Variants in SNTB1 observed in about 807,000 individuals in gnomAD.
SNTB1 encodes beta-1-syntrophin.
Under a neutral mutation model 48.9 loss-of-function variants are expected in SNTB1, and 36 were observed. The ratio of observed to expected loss-of-function variants is 0.74; its 90% confidence interval spans 0.56 to 0.97. The LOEUF (loss-of-function observed/expected upper bound fraction) is 0.97. Among genes scored for constraint, SNTB1 ranks in the 50% least tolerant of loss-of-function variants. The pLI, the probability that SNTB1 is intolerant of heterozygous loss-of-function variation, is 0.00. For synonymous variants in SNTB1, 299 were observed against 294.6 expected, an observed-to-expected ratio of 1.01 and a Z score of -0.15; for missense variants, 786 against 703.4, an observed-to-expected ratio of 1.12 and a Z score of -1.33.
At chr8:120,616,469 T>TA (rs1307956945) in intron 3 of SNTB1, among the ~76,000 whole-genome samples, 1 of 120,568 alleles carries the variant, frequency 8.3e-6, no homozygotes, top group East Asian at 3.0e-4. Flanking sequence ...CCTGACTAAC[T>TA]AAAAAAAGTT....
intron 1 of SNTB1, chr8:120,761,519 G>A (rs1819418666): frequency 6.6e-6 from 1 of 152,128 alleles, no homozygotes; most frequent in Non-Finnish European, 1.5e-5. Flanking sequence ...AGAATAATGG[G>A]TGGTCTGTAG....
intron 1 of SNTB1, among the ~76,000 whole-genome samples, chr8:120,792,979 C>T (rs1820061626): frequency 6.6e-6 from 1 of 152,010 alleles, no homozygotes; most frequent in Non-Finnish European, 1.5e-5. Flanking sequence ...AAGGTGGCCT[C>T]TCTATAGGTC....
chr8:120,562,636 C>T (rs1261791298), intron 4 of SNTB1, among the ~76,000 whole-genome samples: 1 of 152,134 alleles, frequency 6.6e-6, no homozygotes, highest in Admixed American at 6.5e-5. Context: ...AGTGAGGATG[C>T]CTCCCAGGGT....
At chr8:120,633,308 T>C (rs1022141288) in intron 2 of SNTB1, among the ~76,000 whole-genome samples, 1 of 152,132 alleles carries the variant, frequency 6.6e-6, no homozygotes, top group Non-Finnish European at 1.5e-5. Flanking sequence ...ACTAAATGTA[T>C]TCTATTTAAA....
intron 1 of SNTB1, among the ~76,000 whole-genome samples, chr8:120,753,440 C>T (rs1286817959): frequency 6.6e-6 from 1 of 152,204 alleles, no homozygotes; most frequent in African/African-American, 2.4e-5. Flanking sequence ...TCAAGTCCTT[C>T]ACCTTCTCTG....
intron 1 of SNTB1, among the ~76,000 whole-genome samples, chr8:120,712,301 G>A (rs1055140937): frequency 6.6e-6 from 1 of 151,376 alleles, no homozygotes; most frequent in Non-Finnish European, 1.5e-5. Context: ...TGTAGTCCCG[G>A]CTACTCAGGA....
At chr8:120,712,958 A>C (rs555907030) in intron 1 of SNTB1, among the ~76,000 whole-genome samples, 1 of 152,168 alleles carries the variant, frequency 6.6e-6, no homozygotes, top group East Asian at 1.9e-4. Context: ...CCTCGTTACT[A>C]TTGCCAGTAC....
chr8:120,545,368 G>T (rs1347923244), intron 5 of SNTB1, among the ~76,000 whole-genome samples: 3 of 151,954 alleles, frequency 2.0e-5, no homozygotes, highest in Admixed American at 2.0e-4. Context: ...AGTACTCCTG[G>T]GTGACCAGGA....
intron 4 of SNTB1, among the ~76,000 whole-genome samples, chr8:120,572,744 A>AAAACAAACAAAC (rs71306896): frequency 1.3e-4 from 19 of 150,992 alleles, no homozygotes; most frequent in Admixed American, 3.3e-4. Flanking sequence ...CAAAACGAAC[A>AAAACAAACAAAC]AAACAAACAA....
chr8:120,800,707 G>A (rs376017782), intron 1 of SNTB1, among the ~76,000 whole-genome samples: 8 of 151,794 alleles, frequency 5.3e-5, no homozygotes, highest in Admixed American at 1.3e-4. Flanking sequence ...TGTTGTATTC[G>A]AAAGAAAAAA....
In SNTB1 at chr8:120,768,416, C is replaced by T. The variant is rs141361656; in HGVS notation, c.571+42857G>A. Among the ~76,000 whole-genome samples the T allele has an allele frequency of 2.1e-3, 322 of 152,232 alleles. 1 individual carries two copies. Among genetic ancestry groups the T allele is most frequent in the African/African-American group, 7.4e-3 (307 of 41,544 alleles). ...TATTATTTGGTACACAATGGTAAATCGTGTGTGCAAATAACACTAGCTACA... is the reference window on the plus strand; with the variant it reads ...TATTATTTGGTACACAATGGTAAATTGTGTGTGCAAATAACACTAGCTACA... On this transcript the variant is annotated intron_variant, in intron 1 of 6. Transcript: ENST00000517992.
intron 3 of SNTB1, among the ~76,000 whole-genome samples, chr8:120,626,576 A>T (rs1250602587): frequency 1.3e-5 from 2 of 152,122 alleles, no homozygotes; most frequent in Non-Finnish European, 2.9e-5. Flanking sequence ...GTTTGAATAG[A>T]CCTTTTTGTC....
chr8:120,791,285 A>G lies in SNTB1; in HGVS notation c.571+19988T>C, dbSNP rs574287247. On this transcript the variant is annotated intron_variant, in intron 1 of 6. Coordinates refer to ENST00000517992, the MANE Select transcript of SNTB1 (RefSeq NM_021021.4). ...ATCCGGATCCTATTTCTCACCATATACAAAAATTAACTCAAGATGGATCAA... is the reference window on the plus strand; with the variant it reads ...ATCCGGATCCTATTTCTCACCATATGCAAAAATTAACTCAAGATGGATCAA... Among the ~76,000 whole-genome samples, 12 of 152,128 alleles carry G rather than the reference A, an allele frequency of 7.9e-5. No homozygotes were observed. The East Asian group carries it at 2.1e-3, about 27-fold the overall frequency.
chr8:120,764,268 G>C (rs531821316), intron 1 of SNTB1, among the ~76,000 whole-genome samples: 2 of 152,286 alleles, frequency 1.3e-5, no homozygotes, highest in Admixed American at 1.3e-4. Context: ...TAAAAACAAT[G>C]AGGCAGCTTC....
rs749884851 is a variant in SNTB1 at position 120,811,292 on chromosome 8, GC to G, written c.551del (p.Gly184AlafsTer8). Reference protein sequence around the residue: ...DEAVQALKRAGKEVLLEVKYM... With the variant: ...DEAVQALKRAXKEVLLEVKYM... Reference sequence around the variant, plus strand: ...CCTTACCTTCCAGCAGCACTTCCTTGCCCGCGCGCTTCAACGCCTGCACCGC... The same window carrying G: ...CCTTACCTTCCAGCAGCACTTCCTTGCCGCGCGCTTCAACGCCTGCACCGC... On this transcript the variant is annotated frameshift_variant, in exon 1 of 7. Transcript: ENST00000517992. LOFTEE classifies it high-confidence loss of function. The G allele has an allele frequency of 6.2e-7, 1 of 1,604,082 alleles. No homozygotes were observed. Among genetic ancestry groups the G allele is most frequent in the Admixed American group, 1.7e-5 (1 of 59,838 alleles).
chr8:120,550,488 G>A (rs1275571073), intron 4 of SNTB1, among the ~76,000 whole-genome samples: 1 of 150,268 alleles, frequency 6.7e-6, no homozygotes. Flanking sequence ...ATTGCAGTGA[G>A]CTGAGATTGC....
At chr8:120,694,387 T>C (rs941644099) in intron 1 of SNTB1, among the ~76,000 whole-genome samples, 3 of 152,140 alleles carry the variant, frequency 2.0e-5, no homozygotes, top group South Asian at 2.1e-4. Flanking sequence ...CAAAGAAATA[T>C]ATATAAGAAC....
At position 120,687,446 on chromosome 8, in the gene SNTB1, G is replaced by A. The variant is rs938673621; in HGVS notation, c.788+6246C>T. 2.0e-5 allele frequency among the ~76,000 whole-genome samples: 3 copies of A among 152,200 alleles called. No homozygotes were observed. The South Asian group carries it at 6.2e-4, about 32-fold the overall frequency. ...ACATGGGAAACCTCAGGCTATTTAT[G>A]TACAGCTCAAAGGAGTGGGAGTGTT... On this transcript the variant is annotated intron_variant, in intron 2 of 6. Transcript: ENST00000517992.
chr8:120,801,645 G>C (rs557616942), intron 1 of SNTB1, among the ~76,000 whole-genome samples: 2 of 151,900 alleles, frequency 1.3e-5, no homozygotes, highest in South Asian at 4.2e-4. Flanking sequence ...CAAACTGTCC[G>C]ATTTTTTCAT....
Sources: allele counts gnomAD v4.1 joint callset (sites outside exome capture counted in the v4.1 genomes callset), GRCh38; gene constraint gnomAD v4.1.1; transcripts MANE v1.5; gene names NCBI Gene and HGNC (gene_info 2026-07-23, HGNC 2026-07-21).